The following VPS33A variants were observed in gnomAD, a reference collection of about 807,000 sequenced individuals.
VPS33A encodes vacuolar protein sorting-associated protein 33A.
In VPS33A, 32 loss-of-function variants were observed where a neutral mutation model predicts 71.8. That is an observed-to-expected ratio of 0.45 (90% confidence interval 0.34 to 0.60). The LOEUF is 0.60. VPS33A is among the 20% of genes least tolerant of loss of function. The probability of loss-of-function intolerance (pLI) is 0.02; values close to 1 mark genes in which losing one functional copy is unlikely to be tolerated. For synonymous variants in VPS33A, 311 were observed against 292.7 expected, an observed-to-expected ratio of 1.06 and a Z score of -0.64; for missense variants, 625 against 748.5, an observed-to-expected ratio of 0.84 and a Z score of 1.92.
Position 122,239,549 on chromosome 12 carries a change from A to G in VPS33A, c.1164+329T>C, listed in dbSNP as rs1476248539. On this transcript the variant is annotated intron_variant, in intron 9 of 12. Coordinates refer to ENST00000267199, the MANE Select transcript of VPS33A (RefSeq NM_022916.6). ...GGAGATCGAGACCATCCTGGCTAAC[A>G]TGGTGAAACCCCGTCTCTATTAAAA... is the stretch of plus-strand genomic sequence containing the variant. Among the ~76,000 whole-genome samples the G allele has an allele frequency of 2.0e-5, 3 of 152,194 alleles. No homozygotes were observed. In the East Asian group the frequency reaches 5.8e-4, roughly 29 times the overall value.
At chr12:122,247,331 C>T (rs1020422113) in intron 6 of VPS33A, among the ~76,000 whole-genome samples, 1 of 152,020 alleles carries the variant, frequency 6.6e-6, no homozygotes, top group Non-Finnish European at 1.5e-5. Flanking sequence ...CCTCTCCCCC[C>T]ACCATTCCCC....
In VPS33A at chr12:122,258,465, A is replaced by C. The variant is rs1400994254; in HGVS notation, c.483+2796T>G. On this transcript the variant is annotated intron_variant, in intron 4 of 12. Coordinates refer to ENST00000267199, the MANE Select transcript of VPS33A (RefSeq NM_022916.6). ...ATACTTGGAAATCATGTATCTGAGG[A>C]GAGACTTGCATTTAGAATCTATTAA... Among the ~76,000 whole-genome samples the C allele has an allele frequency of 6.6e-5, 10 of 152,276 alleles. No homozygotes were observed. The South Asian group carries it at 1.4e-3, about 22-fold the overall frequency.
chr12:122,239,747 CTCAAAAAAAAAAAAA>C (rs1566040020), intron 9 of VPS33A, 116 bp downstream of exon 9: 3 of 324,178 alleles, frequency 9.3e-6, no homozygotes, highest in African/African-American at 5.8e-5. Context: ...GAGACTCCGT[CTCAAAAAAAAAAAAA>C]AAAAAAAAAA....
chr12:122,258,886 C>T (rs561725434), intron 4 of VPS33A, among the ~76,000 whole-genome samples: 13 of 146,022 alleles, frequency 8.9e-5, no homozygotes, highest in African/African-American at 2.5e-4. Context: ...GAAGCTGAGG[C>T]GGGAGAATTG....
chr12:122,252,318 G>T (rs1372478854), intron 4 of VPS33A, among the ~76,000 whole-genome samples: 2 of 151,770 alleles, frequency 1.3e-5, no homozygotes, highest in Non-Finnish European at 2.9e-5. Flanking sequence ...GCCCTGGCTG[G>T]AGTGCAGTGG....
Position 122,263,653 on chromosome 12 carries a change from G to A in VPS33A, c.215C>T (p.Pro72Leu), listed in dbSNP as rs774605379. 29 of 1,612,908 alleles carry A rather than the reference G, an allele frequency of 1.8e-5. No individual in the cohort carries two copies. Among genetic ancestry groups the A allele is most frequent in the Non-Finnish European group, 2.2e-5 (26 of 1,179,296 alleles). Residue 72 changes from proline to leucine, a missense_variant, in exon 3 of 13, where the codon CCG becomes CTG. Physicochemically the swap from Pro to Leu is moderately conservative, Grantham distance 98. Transcript: ENST00000267199. ...KMFTLKGNRL[P>L]AADVKNIIFF... ...AATTATATTCTTCACATCAGCTGCC[G>A]GCAAACGATTTCCTTTAAGTGTGAA... is the stretch of plus-strand genomic sequence containing the variant.
intron 9 of VPS33A, 42 bp from the exon 10 acceptor site, chr12:122,238,766 T>TACAGACACAC: frequency 7.4e-7 from 1 of 1,354,072 alleles, no homozygotes; most frequent in Non-Finnish European, 1.0e-6. Flanking sequence ...CATTTACATA[T>TACAGACACAC]ACATACACAC....
At chr12:122,246,743 C>A (rs80243507) in intron 6 of VPS33A, among the ~76,000 whole-genome samples, 5,629 of 151,954 alleles carry the variant, frequency 0.037, 345 homozygotes, top group African/African-American at 0.13. Context: ...GGGATTATAG[C>A]CACCCGCCAC....
intron 11 of VPS33A, among the ~76,000 whole-genome samples, chr12:122,233,211 T>C (rs993888105): frequency 2.0e-5 from 3 of 149,908 alleles, no homozygotes; most frequent in African/African-American, 2.5e-5. Flanking sequence ...TGAAGAATTA[T>C]TTGGTTTGGC....
chr12:122,242,290 C>G (rs138381613), intron 8 of VPS33A, 92 bp downstream of exon 8: 3 of 1,493,842 alleles, frequency 2.0e-6, no homozygotes, highest in Non-Finnish European at 2.7e-6. Flanking sequence ...CTGACTCTCC[C>G]GAAGAGGCAT....
chr12:122,238,461 A>C, intron 10 of VPS33A, 126 bp downstream of exon 10: 1 of 1,168,662 alleles, frequency 8.6e-7, no homozygotes, highest in Non-Finnish European at 1.2e-6. Flanking sequence ...ACCTCAAGTG[A>C]TCCACCTGCT....
intron 6 of VPS33A, among the ~76,000 whole-genome samples, chr12:122,247,909 T>C (rs1434278058): frequency 1.3e-5 from 2 of 152,152 alleles, no homozygotes; most frequent in African/African-American, 4.8e-5. Context: ...ATTTTATTAT[T>C]TTTTTGAGAC....
rs1211010873 is a variant in VPS33A, at chr12:122,261,458, A to C, written c.297-11T>G. 5 of 1,612,408 alleles carry C rather than the reference A, an allele frequency of 3.1e-6. No homozygotes were observed. The highest frequency in any genetic ancestry group is 4.2e-6 in the Non-Finnish European group (5 of 1,179,682). ...CCTCGTCTATCTTCACTGCAAAGGA[A>C]GCAACATTTGTTAGCTTATGAGCTC... On this transcript the variant is annotated splice_polypyrimidine_tract_variant and intron_variant, in intron 3 of 12. Transcript: ENST00000267199.
intron 4 of VPS33A, among the ~76,000 whole-genome samples, chr12:122,260,304 T>A (rs922105779): frequency 6.6e-6 from 1 of 151,670 alleles, no homozygotes; most frequent in African/African-American, 2.4e-5. Context: ...TTGTTTTTTG[T>A]TTTTTGTTTT....
At chr12:122,261,692 A>C (rs1224255123) in intron 3 of VPS33A, among the ~76,000 whole-genome samples, 1 of 151,798 alleles carries the variant, frequency 6.6e-6, no homozygotes, top group Non-Finnish European at 1.5e-5. Context: ...AAGGTGGCAA[A>C]ACCCCGTCTC....
chr12:122,260,786 G>A (rs34325222), intron 4 of VPS33A, among the ~76,000 whole-genome samples: 1 of 151,876 alleles, frequency 6.6e-6, no homozygotes, highest in Non-Finnish European at 1.5e-5. Flanking sequence ...TCCTGGCCAA[G>A]CAACATGGTG....
chr12:122,239,790 G>A, intron 9 of VPS33A, 88 bp downstream of exon 9: 1 of 640,272 alleles, frequency 1.6e-6, no homozygotes, highest in Non-Finnish European at 2.5e-6. Flanking sequence ...GGCAAGGCAT[G>A]GGAATCAAAG....
chr12:122,241,841 C>T (rs1046332109), intron 8 of VPS33A, among the ~76,000 whole-genome samples: 2 of 152,128 alleles, frequency 1.3e-5, no homozygotes, highest in Non-Finnish European at 2.9e-5. Flanking sequence ...GATCTGCCTG[C>T]CTCAGCCTCC....
Position 122,239,877 on chromosome 12 carries a change from C to T in VPS33A, c.1164+1G>A. ...TTAAAGAGGTTTTTTTGTCCACATA[C>T]CTTATCAGTGTCTATTCCAGACATA... On this transcript the variant is annotated splice_donor_variant, in intron 9 of 12. Transcript: ENST00000267199. LOFTEE classifies it high-confidence loss of function. 1 of 1,608,900 alleles carries T rather than the reference C, an allele frequency of 6.2e-7. No homozygotes were observed. Among genetic ancestry groups the T allele is most frequent in the Non-Finnish European group, 8.5e-7 (1 of 1,177,228 alleles).
Sources: gnomAD v4.1 joint callset for allele counts (sites outside exome capture counted in the v4.1 genomes callset) on GRCh38, gnomAD v4.1.1 for gene constraint, MANE v1.5 for transcripts, NCBI Gene and HGNC (gene_info 2026-07-23, HGNC 2026-07-21) for gene names.